Variants in QTRT2 observed in about 807,000 individuals in gnomAD.
QTRT2 encodes queuine tRNA-ribosyltransferase accessory subunit 2.
A neutral mutation model predicts 44.8 loss-of-function variants in QTRT2; 32 were observed. The observed-to-expected ratio is 0.71, with a 90% confidence interval of 0.54 to 0.96. QTRT2 has a LOEUF of 0.96. Among genes scored for constraint, QTRT2 ranks in the 40% least tolerant of loss-of-function variants. The probability of loss-of-function intolerance (pLI) is 0.00; values close to 1 mark genes in which losing one functional copy is unlikely to be tolerated. For synonymous variants in QTRT2, 182 were observed against 187.4 expected (o/e 0.97, Z 0.24); for missense variants, 461 against 503.1 (o/e 0.92, Z 0.80).
chr3:114,063,740 A>G (rs1026427923), intron 2 of QTRT2, among the ~76,000 whole-genome samples: 1 of 152,134 alleles, frequency 6.6e-6, no homozygotes, highest in African/African-American at 2.4e-5. Context: ...AGTTATTCTT[A>G]TGTCTAAGAT....
rs2107803984 is a variant in QTRT2, at chr3:114,079,921, T to C, written c.762T>C (p.Val254=). The change falls in exon 8 of 10, where the codon GTT becomes GTC. Residue 254 remains valine, a synonymous_variant. Coordinates refer to ENST00000281273, the MANE Select transcript of QTRT2 (RefSeq NM_024638.4). The part of the protein sequence containing the change: ...PEDKPRLISG[V]SRPDEVLECI... ...ACTTTTACAGGCTCATATCTGGTGTTAGTCGGCCAGATGAGGTGCTCGAGT... is the reference window on the plus strand; with the variant it reads ...ACTTTTACAGGCTCATATCTGGTGTCAGTCGGCCAGATGAGGTGCTCGAGT... 6.2e-7 allele frequency: 1 copy of C among 1,613,668 alleles called. No individual in the cohort carries two copies. Among genetic ancestry groups the C allele is most frequent in the African/African-American group, 1.3e-5 (1 of 75,050 alleles).
intron 2 of QTRT2, among the ~76,000 whole-genome samples, chr3:114,062,482 A>C (rs189419500): frequency 2.2e-4 from 34 of 152,254 alleles, no homozygotes; most frequent in Non-Finnish European, 1.5e-4. Flanking sequence ...ATTACAATAA[A>C]ATGGCAGAAG....
intron 6 of QTRT2, among the ~76,000 whole-genome samples, chr3:114,073,453 C>CAA (rs2077049712): frequency 6.6e-6 from 1 of 152,090 alleles, no homozygotes; most frequent in Non-Finnish European, 1.5e-5. Flanking sequence ...GATCTCAGCT[C>CAA]ACTGCAACCT....
intron 9 of QTRT2, among the ~76,000 whole-genome samples, chr3:114,083,628 G>A (rs1441599300): frequency 2.6e-5 from 4 of 152,098 alleles, no homozygotes; most frequent in Non-Finnish European, 4.4e-5. Flanking sequence ...TTTGTCTTAC[G>A]TAAAAGAAGA....
intron 2 of QTRT2, among the ~76,000 whole-genome samples, chr3:114,058,820 C>T (rs1258796674): frequency 6.6e-6 from 1 of 152,158 alleles, no homozygotes; most frequent in Admixed American, 6.5e-5. Context: ...CGTGAGCCAC[C>T]GTGCCCGGCC....
intron 6 of QTRT2, among the ~76,000 whole-genome samples, chr3:114,075,791 A>T (rs917533464): frequency 3.3e-5 from 5 of 152,082 alleles, no homozygotes; most frequent in Non-Finnish European, 5.9e-5. Context: ...GACATGAGCC[A>T]CCATGCCTGG....
rs762382732 is a variant in QTRT2, at chr3:114,065,471, C to A, written c.200+14C>A. ...GCTGTCATCCCTGTAAGTGTTAGAACCAATGATTCAAGTATCAACTGTGGC... is the reference window on the plus strand; with the variant it reads ...GCTGTCATCCCTGTAAGTGTTAGAAACAATGATTCAAGTATCAACTGTGGC... On this transcript the variant is annotated intron_variant, in intron 3 of 9. Transcript: ENST00000281273. 2 of 1,594,530 alleles carry A rather than the reference C, an allele frequency of 1.3e-6. No individual in the cohort carries two copies. The highest frequency in any genetic ancestry group is 1.7e-6 in the Non-Finnish European group (2 of 1,163,300).
chr3:114,057,203 G>A (rs1488620525), intron 2 of QTRT2, 97 bp downstream of exon 2: 2 of 422,906 alleles, frequency 4.7e-6, no homozygotes, highest in Non-Finnish European at 7.2e-6. Context: ...CTGGGGCCAT[G>A]GAGATGGCCC....
chr3:114,065,670 T>G (rs1169441499), intron 3 of QTRT2, among the ~76,000 whole-genome samples: 1 of 152,132 alleles, frequency 6.6e-6, no homozygotes, highest in Non-Finnish European at 1.5e-5. Context: ...TCACTTTTCC[T>G]CCAAACCTAC....
intron 6 of QTRT2, among the ~76,000 whole-genome samples, chr3:114,073,101 T>C (rs1290945153): frequency 6.6e-6 from 1 of 152,250 alleles, no homozygotes; most frequent in Non-Finnish European, 1.5e-5. Flanking sequence ...AACATAGTTA[T>C]TCTGAATAGA....
chr3:114,086,672 T>A lies in QTRT2; in HGVS notation c.*768T>A, dbSNP rs2077240962. On this transcript the variant is annotated 3_prime_UTR_variant, in exon 10 of 10. Coordinates refer to ENST00000281273, the MANE Select transcript of QTRT2 (RefSeq NM_024638.4). The stretch of plus-strand genomic sequence containing the variant: ...ATTAATAGTCTAACTACGTAATAAC[T>A]GAAGACCTATCTCTTGTGAAGATTC... The A allele has an allele frequency of 6.6e-6, 1 of 152,388 alleles. No individual in the cohort carries two copies. The highest frequency in any genetic ancestry group is 1.5e-5 in the Non-Finnish European group (1 of 68,180). The allele number at this position is 152,388 out of a possible 1,614,324, so 9.4% of individuals were successfully genotyped here.
intron 2 of QTRT2, among the ~76,000 whole-genome samples, chr3:114,060,098 A>T (rs77383317): frequency 6.6e-6 from 1 of 152,306 alleles, no homozygotes; most frequent in East Asian, 1.9e-4. Context: ...TTGTTTCTTC[A>T]GTTGAGGAAA....
At chr3:114,072,141 C>G (rs1385275558) in intron 6 of QTRT2, among the ~76,000 whole-genome samples, 1 of 151,996 alleles carries the variant, frequency 6.6e-6, no homozygotes, top group Admixed American at 6.6e-5. Flanking sequence ...TTCCATGTAT[C>G]ATTCATTTTT....
At chr3:114,083,456 G>A (rs1460369653) in intron 9 of QTRT2, among the ~76,000 whole-genome samples, 1 of 152,150 alleles carries the variant, frequency 6.6e-6, no homozygotes, top group Non-Finnish European at 1.5e-5. Flanking sequence ...TGCTCAAAAA[G>A]TTCTGAATTT....
At position 114,078,164 on chromosome 3, in the gene QTRT2, T is replaced by A. The variant is rs1038325394; in HGVS notation, c.746+1222T>A. 1.3e-4 allele frequency: 20 copies of A among 152,362 alleles called. 1 individual carries two copies. Among genetic ancestry groups the A allele is most frequent in the African/African-American group, 4.6e-4 (19 of 41,584 alleles). The allele number at this position is 152,362 out of a possible 1,614,324, so 9.4% of individuals were successfully genotyped here. On this transcript the variant is annotated intron_variant, in intron 7 of 9. Coordinates refer to ENST00000281273, the MANE Select transcript of QTRT2 (RefSeq NM_024638.4). ...ATCCCCAATTTTAACCTAGTTCTTT[T>A]GTGTTCATTGCTCCCTCTCCTGTAC...
Position 114,085,989 on chromosome 3 carries a change from AG to A in QTRT2, c.*86del. 9.4e-7 allele frequency: 1 copy of A among 1,060,014 alleles called. No homozygotes were observed. Among genetic ancestry groups the A allele is most frequent in the Non-Finnish European group, 1.4e-6 (1 of 692,218 alleles). The allele number at this position is 1,060,014 out of a possible 1,614,324, so 65.7% of individuals were successfully genotyped here. On this transcript the variant is annotated 3_prime_UTR_variant, in exon 10 of 10. Transcript: ENST00000281273. ...GAAGACGTGAAGAAGAAATAATCTG[AG>A]CTTTAATTATTTATATTTGGATATA...
intron 6 of QTRT2, among the ~76,000 whole-genome samples, chr3:114,075,521 T>G (rs1000639549): frequency 6.6e-6 from 1 of 150,880 alleles, no homozygotes; most frequent in Non-Finnish European, 1.5e-5. Context: ...TTTTTTTTTT[T>G]TTTTTGAGAC....
At chr3:114,077,103 G>A in intron 7 of QTRT2, 161 bp downstream of exon 7, 1 of 649,880 alleles carries the variant, frequency 1.5e-6, no homozygotes, top group Non-Finnish European at 2.7e-6. Flanking sequence ...GACTGTAAGG[G>A]GAGTTTCCAT....
rs764408316 is a variant in QTRT2, at chr3:114,085,726, A to AG, written c.1071dup (p.Asn358GlufsTer15). The AG allele has an allele frequency of 7.4e-6, 12 of 1,614,104 alleles. No individual in the cohort carries two copies. The highest frequency in any genetic ancestry group is 7.6e-6 in the Non-Finnish European group (9 of 1,180,054). On this transcript the variant is annotated frameshift_variant, in exon 10 of 10. Coordinates refer to ENST00000281273, the MANE Select transcript of QTRT2 (RefSeq NM_024638.4). LOFTEE classifies it high-confidence loss of function. Reference sequence around the variant, plus strand: ...AGAGGATGTTCCTGTTACTGCTGTAAGAATCACACTCGGGCATACATCCAC... The same window carrying AG: ...AGAGGATGTTCCTGTTACTGCTGTAAGGAATCACACTCGGGCATACATCCAC...
Sources: gnomAD v4.1 joint callset for allele counts (sites outside exome capture counted in the v4.1 genomes callset) on GRCh38, gnomAD v4.1.1 for gene constraint, MANE v1.5 for transcripts, NCBI Gene and HGNC (gene_info 2026-07-23, HGNC 2026-07-21) for gene names.